The following CCNT2 variants were observed in gnomAD, a reference collection of about 807,000 sequenced individuals.
CCNT2 encodes cyclin-T2.
Under a neutral mutation model 70.0 loss-of-function variants are expected in CCNT2, and 18 were observed. That is an observed-to-expected ratio of 0.26 (90% CI 0.18 to 0.38). The LOEUF (loss-of-function observed/expected upper bound fraction) is 0.38. Among genes scored for constraint, CCNT2 ranks in the 10% least tolerant of loss-of-function variants. The probability of loss-of-function intolerance (pLI) is 1.00; values close to 1 mark genes in which losing one functional copy is unlikely to be tolerated. For synonymous variants in CCNT2, 334 were observed against 313.3 expected (o/e 1.07, Z -0.70); for missense variants, 734 against 890.2 (o/e 0.82, Z 2.23).
intron 2 of CCNT2, among the ~76,000 whole-genome samples, chr2:134,930,294 A>G (rs757994170): frequency 1.3e-5 from 2 of 152,224 alleles, no homozygotes; most frequent in Non-Finnish European, 2.9e-5. Flanking sequence ...TTCATGGTGT[A>G]GAATGTGTTA....
At chr2:134,943,191 A>G (rs1384830335) in intron 5 of CCNT2, 1 of 674,586 alleles carries the variant, frequency 1.5e-6, no homozygotes, top group Non-Finnish European at 1.8e-6. Flanking sequence ...GCTTGAGCTC[A>G]GGAGTTCGAG....
chr2:134,936,886 C>G lies in CCNT2; in HGVS notation c.286C>G (p.Gln96Glu). The G allele has an allele frequency of 6.2e-7, 1 of 1,613,214 alleles. No homozygotes were observed. Among genetic ancestry groups the G allele is most frequent in the Non-Finnish European group, 8.5e-7 (1 of 1,179,234 alleles). The part of the protein sequence containing the change: ...ALFLAAKVEE[Q>E]ARKLEHVIKV... Reference sequence around the variant, plus strand: ...ATTTTTGGCTGCAAAAGTGGAAGAACAGGCTCGAAAACTTGAACATGTTAT... The same window carrying G: ...ATTTTTGGCTGCAAAAGTGGAAGAAGAGGCTCGAAAACTTGAACATGTTAT... Residue 96 changes from glutamine (Q) to glutamate (E), a missense_variant, in exon 3 of 9, where the codon CAG becomes GAG. Gln to Glu is a conservative substitution (Grantham distance 29, BLOSUM62 2). Around this residue, in one of 3 missense-constraint regions of CCNT2, gnomAD observed 161 missense variants for 303.8 expected, o/e 0.53. Transcript: ENST00000264157.
chr2:134,937,326 C>T (rs1559100149), intron 3 of CCNT2, among the ~76,000 whole-genome samples: 1 of 152,168 alleles, frequency 6.6e-6, no homozygotes. Flanking sequence ...CTTAAATTGT[C>T]AACAGATGAA....
chr2:134,935,952 A>G (rs1341097220), intron 2 of CCNT2, among the ~76,000 whole-genome samples: 1 of 152,054 alleles, frequency 6.6e-6, no homozygotes, highest in East Asian at 1.9e-4. Context: ...TAACAGTTTT[A>G]TGTTCAGAAT....
chr2:134,952,110 G>A (rs1191064194), intron 7 of CCNT2, among the ~76,000 whole-genome samples: 2 of 152,198 alleles, frequency 1.3e-5, no homozygotes, highest in Non-Finnish European at 2.9e-5. Context: ...AAGGGGTACA[G>A]TATGTTGATA....
At chr2:134,919,130 T>C in intron 1 of CCNT2, 118 bp downstream of exon 1, 2 of 1,178,936 alleles carry the variant, frequency 1.7e-6, no homozygotes, top group Non-Finnish European at 2.3e-6. Flanking sequence ...GGCGCCGCGG[T>C]CAGGGAAGTA....
At chr2:134,949,578 T>A (rs780801381) in intron 7 of CCNT2, among the ~76,000 whole-genome samples, 1 of 152,206 alleles carries the variant, frequency 6.6e-6, no homozygotes, top group Non-Finnish European at 1.5e-5. Context: ...CCAGAATATA[T>A]ATCTCATGCT....
Position 134,954,446 on chromosome 2 carries a change from A to G in CCNT2, c.1991A>G (p.His664Arg). The change falls in exon 9 of 9, where the codon CAT becomes CGT. Residue 664 changes from histidine to arginine, a missense_variant. By Grantham distance (29) the His-to-Arg change is conservative. Around this residue, in one of 3 missense-constraint regions of CCNT2, gnomAD observed 532 missense variants for 556.9 expected, o/e 0.96. Transcript: ENST00000264157. ...YISSHNSVFN[H>R]PLPPPPPVTY... ...TCCTCTCACAACTCTGTTTTTAACC[A>G]TCCCTTACCCCCTCCTCCCCCTGTC... 6.2e-7 allele frequency: 1 copy of G among 1,614,112 alleles called. No individual in the cohort carries two copies. The highest frequency in any genetic ancestry group is 8.5e-7 in the Non-Finnish European group (1 of 1,179,992).
At position 134,953,333 on chromosome 2, in the gene CCNT2, C is replaced by T; in HGVS notation, c.878C>T (p.Thr293Ile). 1 of 1,610,216 alleles carries T rather than the reference C, an allele frequency of 6.2e-7. No individual in the cohort carries two copies. The highest frequency in any genetic ancestry group is 8.5e-7 in the Non-Finnish European group (1 of 1,177,662). ...AATTCCATTTTAGTAGATAGTGTCACTGGTGTGCCTACAAACCCAAGTTTT... is the reference window on the plus strand; with the variant it reads ...AATTCCATTTTAGTAGATAGTGTCATTGGTGTGCCTACAAACCCAAGTTTT... ...VQNSILVDSV[T>I]GVPTNPSFQK... The change falls in exon 9 of 9, where the codon ACT becomes ATT. Residue 293 changes from threonine (T) to isoleucine (I), a missense_variant. Transcript: ENST00000264157.
chr2:134,933,592 C>G (rs769980282), intron 2 of CCNT2, among the ~76,000 whole-genome samples: 14 of 152,050 alleles, frequency 9.2e-5, no homozygotes, highest in Non-Finnish European at 1.5e-4. Context: ...ATGTAAATCA[C>G]TGAAGTAATG....
chr2:134,919,918 G>C (rs781745526), intron 2 of CCNT2, 27 bp downstream of exon 2: 22 of 1,506,716 alleles, frequency 1.5e-5, no homozygotes, highest in Non-Finnish European at 2.0e-5. Context: ...TGTTTTTACT[G>C]TCCGCAAATT....
intron 4 of CCNT2, 75 bp from the exon 5 acceptor site, chr2:134,942,532 ATATAT>A: frequency 2.4e-6 from 2 of 840,598 alleles, no homozygotes; most frequent in East Asian, 2.9e-5. Context: ...ATAATGAAGA[ATATAT>A]TATACGTTTA....
chr2:134,928,219 C>T (rs1680438866), intron 2 of CCNT2, among the ~76,000 whole-genome samples: 1 of 151,422 alleles, frequency 6.6e-6, no homozygotes, highest in South Asian at 2.1e-4. Flanking sequence ...GCATTGGCCT[C>T]CCACAGTGCT....
At chr2:134,937,426 T>C (rs1008510150) in intron 3 of CCNT2, among the ~76,000 whole-genome samples, 6 of 152,252 alleles carry the variant, frequency 3.9e-5, no homozygotes, top group African/African-American at 1.4e-4. Flanking sequence ...TGCTTATCTC[T>C]CTGATACATA....
chr2:134,952,088 G>T (rs762945753), intron 7 of CCNT2, among the ~76,000 whole-genome samples: 8 of 152,106 alleles, frequency 5.3e-5, no homozygotes, highest in Non-Finnish European at 1.2e-4. Flanking sequence ...GTCTTGCTTG[G>T]TGCATCATAT....
Position 134,947,721 on chromosome 2 carries a change from C to A in CCNT2, c.540-15C>A, listed in dbSNP as rs1247385901. On this transcript the variant is annotated splice_polypyrimidine_tract_variant and intron_variant, in intron 6 of 8. Transcript: ENST00000264157. ...ATTTTTATGGCTCTCCATTTTCAAACCTGCTCTGCAACAGTCTGCATCTTA... is the reference window on the plus strand; with the variant it reads ...ATTTTTATGGCTCTCCATTTTCAAAACTGCTCTGCAACAGTCTGCATCTTA... The A allele has an allele frequency of 7.1e-7, 1 of 1,414,740 alleles. No homozygotes were observed. The highest frequency in any genetic ancestry group is 9.4e-7 in the Non-Finnish European group (1 of 1,066,580). 87.6% of individuals were successfully genotyped at this position (1,414,740 alleles called of 1,614,324 possible).
At chr2:134,945,729 A>C in intron 5 of CCNT2, 2 of 1,285,796 alleles carry the variant, frequency 1.6e-6, no homozygotes, top group Non-Finnish European at 2.0e-6. Flanking sequence ...AACTCTTTGT[A>C]TTTTGTATTA....
chr2:134,925,521 A>G (rs2105017747), intron 2 of CCNT2, among the ~76,000 whole-genome samples: 1 of 152,134 alleles, frequency 6.6e-6, no homozygotes, highest in Non-Finnish European at 1.5e-5. Flanking sequence ...ATCCTACAGT[A>G]TGTTGTCCTT....
chr2:134,934,967 C>G (rs980537958), intron 2 of CCNT2, among the ~76,000 whole-genome samples: 1 of 152,132 alleles, frequency 6.6e-6, no homozygotes, highest in Non-Finnish European at 1.5e-5. Context: ...TCTTCATTTT[C>G]TTGAATGTCT....
Sources: allele counts gnomAD v4.1 joint callset (sites outside exome capture counted in the v4.1 genomes callset), GRCh38; gene constraint gnomAD v4.1.1; regional missense constraint gnomAD v4.1.1; transcripts MANE v1.5; gene names NCBI Gene and HGNC (gene_info 2026-07-23, HGNC 2026-07-21).